Variants in GTF2B observed in about 807,000 individuals in gnomAD.
GTF2B encodes the protein general transcription factor IIB.
A neutral mutation model predicts 34.6 loss-of-function variants in GTF2B; 20 were observed. That is an observed-to-expected ratio of 0.58 (90% CI 0.41 to 0.84). GTF2B has a LOEUF of 0.84. GTF2B is among the 40% of genes least tolerant of loss of function. The pLI, the probability that GTF2B is intolerant of heterozygous loss-of-function variation, is 0.00. For synonymous variants in GTF2B, 142 were observed against 132.4 expected (o/e 1.07, Z -0.50); for missense variants, 237 against 393.3 (o/e 0.60, Z 3.36).
intron 3 of GTF2B, 123 bp from the exon 4 acceptor site, chr1:88,860,409 C>CTGCTCA (rs1673407592): frequency 4.5e-6 from 3 of 668,752 alleles, no homozygotes; most frequent in Non-Finnish European, 7.8e-6. Flanking sequence ...ATTGTGCATC[C>CTGCTCA]TGCTCATCTA....
intron 2 of GTF2B, among the ~76,000 whole-genome samples, chr1:88,881,563 TAG>T (rs1673940174): frequency 1.3e-5 from 2 of 152,200 alleles, no homozygotes; most frequent in African/African-American, 4.8e-5. Flanking sequence ...ACTTTGCTCC[TAG>T]ACTCTTCTAC....
chr1:88,885,807 T>A (rs928967777), intron 2 of GTF2B, among the ~76,000 whole-genome samples: 7 of 152,226 alleles, frequency 4.6e-5, no homozygotes, highest in African/African-American at 1.7e-4. Context: ...TCACATGTCC[T>A]AAAATATTAT....
intron 6 of GTF2B, among the ~76,000 whole-genome samples, chr1:88,855,828 G>T (rs1431749080): frequency 4.6e-5 from 7 of 150,788 alleles, no homozygotes; most frequent in Admixed American, 1.3e-4. Flanking sequence ...TAATTTTTTT[G>T]TGTTTTTAGT....
chr1:88,852,984 C>T lies in GTF2B; in HGVS notation c.*229G>A. Reference sequence around the variant, plus strand: ...GAATTACATAATTTCAAATATCTTCCAAAATACAGTTTCCTAGATTGCTAC... The same window carrying T: ...GAATTACATAATTTCAAATATCTTCTAAAATACAGTTTCCTAGATTGCTAC... On this transcript the variant is annotated 3_prime_UTR_variant, in exon 7 of 7. Coordinates refer to ENST00000370500, the MANE Select transcript of GTF2B (RefSeq NM_001514.6). The T allele has an allele frequency of 2.3e-6, 1 of 434,308 alleles. No individual in the cohort carries two copies. The allele number at this position is 434,308 out of a possible 1,614,324, so 26.9% of individuals were successfully genotyped here. A position where few individuals can be genotyped will look rare whatever the true frequency, so the allele number is the denominator to read the frequency against.
intron 6 of GTF2B, among the ~76,000 whole-genome samples, chr1:88,856,444 G>GA (rs112565360): frequency 0.76 from 114,895 of 151,820 alleles, 44,938 homozygotes; most frequent in South Asian, 0.91. Context: ...TGCAAAATGG[G>GA]AAAAAACCAA....
intron 2 of GTF2B, among the ~76,000 whole-genome samples, chr1:88,882,199 ACT>A (rs1420269313): frequency 6.0e-5 from 9 of 150,616 alleles, no homozygotes; most frequent in Non-Finnish European, 1.3e-4. Flanking sequence ...AATCCCAGGT[ACT>A]CAGTAGGCTG....
At chr1:88,889,690 C>A (rs1411377106) in intron 1 of GTF2B, among the ~76,000 whole-genome samples, 1 of 152,162 alleles carries the variant, frequency 6.6e-6, no homozygotes, top group Non-Finnish European at 1.5e-5. Context: ...AGTGACAATA[C>A]ACCTTCCTGA....
intron 1 of GTF2B, among the ~76,000 whole-genome samples, chr1:88,890,014 C>T (rs67882046): frequency 0.057 from 8,661 of 151,970 alleles, 493 homozygotes; most frequent in African/African-American, 0.14. Context: ...ACACTTCAGC[C>T]CAGGCCTGTT....
chr1:88,856,176 A>G lies in GTF2B; in HGVS notation c.817+1030T>C, dbSNP rs1192959081. ...TCCCAGTTACTCAGGAAGCTGAGGC[A>G]TGAGAATAGCTTGTCCGGGAGGTGG... On this transcript the variant is annotated intron_variant, in intron 6 of 6. Coordinates refer to ENST00000370500, the MANE Select transcript of GTF2B (RefSeq NM_001514.6). Among the ~76,000 whole-genome samples, 4 of 147,348 alleles carry G rather than the reference A, an allele frequency of 2.7e-5. No individual in the cohort carries two copies. In the Admixed American group the frequency reaches 2.8e-4, roughly 10 times the overall value.
intron 3 of GTF2B, among the ~76,000 whole-genome samples, chr1:88,863,572 G>A (rs1191738131): frequency 2.0e-5 from 3 of 151,970 alleles, no homozygotes; most frequent in Non-Finnish European, 4.4e-5. Context: ...TGCCAGGCTG[G>A]TCCCGAACTC....
At chr1:88,882,494 G>A (rs568358535) in intron 2 of GTF2B, among the ~76,000 whole-genome samples, 1 of 152,056 alleles carries the variant, frequency 6.6e-6, no homozygotes, top group Non-Finnish European at 1.5e-5. Flanking sequence ...TCTGTAAAGG[G>A]TGACATAGTA....
chr1:88,886,712 C>T (rs17099906), intron 2 of GTF2B, among the ~76,000 whole-genome samples: 2,840 of 152,174 alleles, frequency 0.019, 83 homozygotes, highest in African/African-American at 0.065. Context: ...GGGGCCTTTT[C>T]GTTTCTTCTG....
intron 2 of GTF2B, among the ~76,000 whole-genome samples, chr1:88,882,310 CAAAAAAAAAAA>C (rs59699371): frequency 0.035 from 1,273 of 36,056 alleles, 28 homozygotes; most frequent in African/African-American, 0.099. Context: ...ACTCTCACTC[CAAAAAAAAAAA>C]AAAAAAAAAA....
chr1:88,887,410 T>C lies in GTF2B; in HGVS notation c.18-43A>G, dbSNP rs757995607. The C allele has an allele frequency of 7.1e-6, 8 of 1,134,344 alleles. 1 individual carries two copies. In the East Asian group the frequency reaches 7.1e-5, roughly 10 times the overall value. 70.3% of individuals were successfully genotyped at this position (1,134,344 alleles called of 1,614,324 possible). A position where few individuals can be genotyped will look rare whatever the true frequency, so the allele number is the denominator to read the frequency against. ...TATTTTTACATCTTCCCAACCAACA[T>C]GTATCAAATTAATCTTCTGGGATGG... On this transcript the variant is annotated intron_variant, in intron 1 of 6. Transcript: ENST00000370500.
intron 5 of GTF2B, among the ~76,000 whole-genome samples, chr1:88,859,235 C>T (rs1268967475): frequency 6.6e-6 from 1 of 152,088 alleles, no homozygotes; most frequent in Non-Finnish European, 1.5e-5. Context: ...AAACTGTTTC[C>T]ATGTAAACCA....
At chr1:88,858,815 G>C (rs1673374615) in intron 5 of GTF2B, 2 of 151,172 alleles carry the variant, frequency 1.3e-5, no homozygotes, top group African/African-American at 4.9e-5. Context: ...GTTCTTAACT[G>C]AAGTGTAAAA....
chr1:88,879,201 T>C (rs994176895), intron 2 of GTF2B, among the ~76,000 whole-genome samples: 3 of 152,052 alleles, frequency 2.0e-5, no homozygotes, highest in African/African-American at 7.2e-5. Flanking sequence ...TAAATGTTAT[T>C]AGAGGCAGGA....
rs113203914 is a variant in GTF2B at position 88,862,963 on chromosome 1, A to G, written c.258+1018T>C. On this transcript the variant is annotated intron_variant, in intron 3 of 6. Transcript: ENST00000370500. ...CAGATTTTAAACAAGACTTTTTTGG[A>G]AAAAAAAAAAAAAGAGACTATGCAA... 5.1e-3 allele frequency among the ~76,000 whole-genome samples: 719 copies of G among 140,386 alleles called. 3 individuals are homozygous for G. Among genetic ancestry groups the G allele is most frequent in the African/African-American group, 0.017 (668 of 39,480 alleles). The allele number at this position is 140,386 out of a possible 152,430, so 92.1% of individuals were successfully genotyped here. A position where few individuals can be genotyped will look rare whatever the true frequency, so the allele number is the denominator to read the frequency against.
intron 2 of GTF2B, among the ~76,000 whole-genome samples, chr1:88,881,001 G>A (rs1205136732): frequency 8.5e-6 from 1 of 117,710 alleles, no homozygotes; most frequent in Admixed American, 9.7e-5. Context: ...AGAGCGAGAT[G>A]CTGTCTCAAA....
Sources: gnomAD v4.1 joint callset for allele counts (sites outside exome capture counted in the v4.1 genomes callset) on GRCh38, gnomAD v4.1.1 for gene constraint, MANE v1.5 for transcripts, NCBI Gene and HGNC (gene_info 2026-07-23, HGNC 2026-07-21) for gene names.